Variants in ZCWPW1 observed in about 807,000 individuals in gnomAD.
The protein encoded by ZCWPW1 is zinc finger CW-type PWWP domain protein 1.
In ZCWPW1, 56 loss-of-function variants were observed where a neutral mutation model predicts 81.3. That is an observed-to-expected ratio of 0.69 (90% CI 0.56 to 0.86). ZCWPW1 has a LOEUF of 0.86. ZCWPW1 is among the 40% of genes least tolerant of loss of function. The pLI, the probability that ZCWPW1 is intolerant of heterozygous loss-of-function variation, is 0.00. For missense variants in ZCWPW1, 650 were observed against 769.8 expected, an observed-to-expected ratio of 0.84 and a Z score of 1.84; for synonymous variants, 250 against 273.7, an observed-to-expected ratio of 0.91 and a Z score of 0.86.
rs5015755 is a variant in ZCWPW1, at chr7:100,415,779, G to T, written c.754+196C>A. 0.15 allele frequency among the ~76,000 whole-genome samples: 22,246 copies of T among 152,114 alleles called. 1,673 individuals are homozygous for T. The highest frequency in any genetic ancestry group is 0.16 in the Non-Finnish European group (11,186 of 67,978). On this transcript the variant is annotated intron_variant, in intron 8 of 17. Transcript: ENST00000684423. ...ATCTAAAATGCTTTGTACACAGTAG[G>T]CACCCAACAACTATGGATTATGTGA... is the stretch of plus-strand genomic sequence containing the variant.
chr7:100,402,302 A>G, intron 16 of ZCWPW1: 1 of 841,436 alleles, frequency 1.2e-6, no homozygotes, highest in Non-Finnish European at 2.1e-6. Flanking sequence ...TGGCTAAGAA[A>G]TTAAAACCTT....
chr7:100,426,279 A>T (rs1263354858), intron 1 of ZCWPW1, among the ~76,000 whole-genome samples: 1 of 152,204 alleles, frequency 6.6e-6, no homozygotes, highest in African/African-American at 2.4e-5. Context: ...GGATCACCTA[A>T]GGTCAGGAGT....
Position 100,404,240 on chromosome 7 carries a change from C to G in ZCWPW1, c.1259G>C (p.Arg420Pro), listed in dbSNP as rs755726932. 3.7e-6 allele frequency: 6 copies of G among 1,613,966 alleles called. No homozygotes were observed. In the African/African-American group the frequency reaches 8.0e-5, roughly 22 times the overall value. ...QEAEQISIQE[R>P]VNLFGFWSRF... ...GCTCCAGAAACCAAACAAGTTAACCCGTTCCTAAGGGAACCAAGAAACAAA... is the reference window on the plus strand; with the variant it reads ...GCTCCAGAAACCAAACAAGTTAACCGGTTCCTAAGGGAACCAAGAAACAAA... The change falls in exon 14 of 18, where the codon CGG (arginine) becomes CCG (proline). Residue 420 changes from arginine (R) to proline (P), a missense_variant. Arg to Pro is a moderately radical substitution (Grantham distance 103). Coordinates refer to ENST00000684423, the MANE Select transcript of ZCWPW1 (RefSeq NM_001386010.1).
chr7:100,428,219 C>T (rs1203173166), intron 1 of ZCWPW1, among the ~76,000 whole-genome samples: 1 of 152,188 alleles, frequency 6.6e-6, no homozygotes, highest in Non-Finnish European at 1.5e-5. Context: ...ACTCCGCAAG[C>T]CCCTCACACC....
In ZCWPW1 at chr7:100,415,976, A is replaced by C. The variant is rs776791442; in HGVS notation, c.753T>G (p.Phe251Leu). 6.2e-7 allele frequency: 1 copy of C among 1,613,970 alleles called. No individual in the cohort carries two copies. Among genetic ancestry groups the C allele is most frequent in the Non-Finnish European group, 8.5e-7 (1 of 1,180,022 alleles). Residue 251 changes from phenylalanine to leucine, a missense_variant and splice_region_variant, in exon 8 of 18, where the codon TTT becomes TTG. By Grantham distance (22) the Phe-to-Leu change is conservative (BLOSUM62 0). Transcript: ENST00000684423. Reference sequence around the variant, plus strand: ...GTTTGCCAAACCAGCTAAACTCACCAAAACCACTTATCTCTCCTTTTTGCT... The same window carrying C: ...GTTTGCCAAACCAGCTAAACTCACCCAAACCACTTATCTCTCCTTTTTGCT... ...RDQQKGEISG[F>L]GQCLVWVQCS...
intron 5 of ZCWPW1, 152 bp from the exon 6 acceptor site, chr7:100,417,335 A>T: frequency 1.7e-6 from 1 of 585,380 alleles, no homozygotes; most frequent in Non-Finnish European, 3.0e-6. Flanking sequence ...ATTTTCAGGA[A>T]AAACTACAAA....
intron 5 of ZCWPW1, 97 bp downstream of exon 5, chr7:100,419,014 A>G: frequency 1.1e-6 from 1 of 925,786 alleles, no homozygotes; most frequent in Non-Finnish European, 1.7e-6. Context: ...TATTTAGAAG[A>G]TGGGAGAGAA....
At position 100,402,517 on chromosome 7, in the gene ZCWPW1, T is replaced by C. The variant is rs202094370; in HGVS notation, c.1473A>G (p.Arg491=). Residue 491 remains arginine (R), a splice_region_variant and synonymous_variant, in exon 16 of 18, where the codon AGA becomes AGG. Transcript: ENST00000684423. ...TCCATTTCCAGCTGGCCTGCTTACC[T>C]CTTGGCTTGGTTTTTTGGGTCTGTA... ...VKIQTQKTKP[R]GLGGDAGTAD... 5.6e-6 allele frequency: 9 copies of C among 1,614,124 alleles called. No homozygotes were observed. In the African/African-American group the frequency reaches 1.1e-4, roughly 19 times the overall value.
chr7:100,407,489 C>A (rs1024168180), intron 10 of ZCWPW1, among the ~76,000 whole-genome samples, 186 bp from the exon 11 acceptor site: 1 of 152,060 alleles, frequency 6.6e-6, no homozygotes, highest in Non-Finnish European at 1.5e-5. Context: ...ATCTGTCAGG[C>A]GCAAGTGATC....
At chr7:100,408,228 G>T (rs762588508) in intron 10 of ZCWPW1, among the ~76,000 whole-genome samples, 4 of 152,138 alleles carry the variant, frequency 2.6e-5, no homozygotes, top group Non-Finnish European at 4.4e-5. Flanking sequence ...TGGGATTACA[G>T]GTGTGAGCCA....
rs1793211037 is a variant in ZCWPW1 at position 100,407,234 on chromosome 7, G to C, written c.1062C>G (p.Ser354=). Residue 354 remains serine, a synonymous_variant, in exon 11 of 18, where the codon TCC becomes TCG. Coordinates refer to ENST00000684423, the MANE Select transcript of ZCWPW1 (RefSeq NM_001386010.1). The part of the protein sequence containing the change: ...EYFLFTSHLD[S]LPSKYHVTFF... ...CCTGAACCAGGAAACTCACCGGCAG[G>C]GAATCAAGATGGGAAGTAAAAAGAA... is the stretch of plus-strand genomic sequence containing the variant. The C allele has an allele frequency of 6.2e-7, 1 of 1,613,780 alleles. No homozygotes were observed. Among genetic ancestry groups the C allele is most frequent in the Non-Finnish European group, 8.5e-7 (1 of 1,179,904 alleles).
chr7:100,414,085 G>A (rs1245159923), intron 8 of ZCWPW1, among the ~76,000 whole-genome samples: 6 of 152,106 alleles, frequency 3.9e-5, no homozygotes, highest in East Asian at 3.9e-4. Flanking sequence ...AACTCCCTTC[G>A]GGTAGTCTGA....
rs182949275 is a variant in ZCWPW1 at position 100,427,334 on chromosome 7, G to A, written c.-137+1234C>T. 2.2e-3 allele frequency among the ~76,000 whole-genome samples: 326 copies of A among 149,738 alleles called. 2 individuals carry two copies. The highest frequency in any genetic ancestry group is 7.8e-3 in the African/African-American group (315 of 40,502). ...AAACTTTTAACAAGAAAGAAGAGGC[G>A]GGTGGATCACCTTAAGTCAGGAGTT... On this transcript the variant is annotated intron_variant, in intron 1 of 17. Coordinates refer to ENST00000684423, the MANE Select transcript of ZCWPW1 (RefSeq NM_001386010.1).
chr7:100,414,252 T>G (rs1490046749), intron 8 of ZCWPW1, among the ~76,000 whole-genome samples: 1 of 152,246 alleles, frequency 6.6e-6, no homozygotes, highest in Non-Finnish European at 1.5e-5. Context: ...AACTATATTA[T>G]GCTTCCACAA....
At chr7:100,425,839 A>T (rs1354262732) in intron 1 of ZCWPW1, among the ~76,000 whole-genome samples, 1 of 152,214 alleles carries the variant, frequency 6.6e-6, no homozygotes, top group Non-Finnish European at 1.5e-5. Context: ...TGTTATTTCT[A>T]ATCAAACTTT....
Position 100,424,885 on chromosome 7 carries a change from G to A in ZCWPW1, c.-30+145C>T, listed in dbSNP as rs1797026893. ...TCTTCCTAGGCCAAAGTATATTTCT[G>A]GAGCCCCAACCAACTAGATAGAATT... On this transcript the variant is annotated intron_variant, in intron 2 of 17. Coordinates refer to ENST00000684423, the MANE Select transcript of ZCWPW1 (RefSeq NM_001386010.1). 1.3e-5 allele frequency: 2 copies of A among 152,204 alleles called. 1 individual carries two copies. Among genetic ancestry groups the A allele is most frequent in the Non-Finnish European group, 2.9e-5 (2 of 68,012 alleles). 9.4% of individuals were successfully genotyped at this position (152,204 alleles called of 1,614,324 possible).
intron 10 of ZCWPW1, among the ~76,000 whole-genome samples, chr7:100,407,518 G>A (rs937480825): frequency 3.9e-5 from 6 of 152,132 alleles, no homozygotes; most frequent in African/African-American, 1.4e-4. Context: ...TCAGCCTCCT[G>A]AGGAGCTGGG....
chr7:100,420,701 T>A, intron 2 of ZCWPW1, 23 bp from the exon 3 acceptor site: 1 of 1,604,378 alleles, frequency 6.2e-7, no homozygotes, highest in Non-Finnish European at 8.5e-7. Flanking sequence ...AGAAATTAAC[T>A]GCTATGACTC....
intron 12 of ZCWPW1, 71 bp from the exon 13 acceptor site, chr7:100,405,164 T>G: frequency 6.8e-7 from 1 of 1,460,172 alleles, no homozygotes. Flanking sequence ...GTGCGGTGGC[T>G]CACACCTGTA....
Sources: allele counts gnomAD v4.1 joint callset (sites outside exome capture counted in the v4.1 genomes callset), GRCh38; gene constraint gnomAD v4.1.1; transcripts MANE v1.5; gene names NCBI Gene and HGNC (gene_info 2026-07-23, HGNC 2026-07-21).